The following ANKH variants were observed in gnomAD, a reference collection of about 807,000 sequenced individuals.
The protein encoded by ANKH is mineralization regulator ANKH.
In ANKH, 15 loss-of-function variants were observed where a neutral mutation model predicts 49.0. The observed-to-expected ratio is 0.31, with a 90% CI of 0.20 to 0.47. The LOEUF is 0.47. Ranked by LOEUF, ANKH falls within the 20% of genes least tolerant of loss-of-function variation. The probability of loss-of-function intolerance (pLI) is 1.00; values close to 1 mark genes in which losing one functional copy is unlikely to be tolerated. For synonymous variants in ANKH, 273 were observed against 260.0 expected, an observed-to-expected ratio of 1.05 and a Z score of -0.48; for missense variants, 429 against 652.0, an observed-to-expected ratio of 0.66 and a Z score of 3.72.
At chr5:14,809,353 A>G (rs1219982156) in intron 1 of ANKH, among the ~76,000 whole-genome samples, 19 of 146,726 alleles carry the variant, frequency 1.3e-4, no homozygotes, top group Non-Finnish European at 2.5e-4. Flanking sequence ...AAAAAAAAAA[A>G]AAAAGAAAAA....
At chr5:14,852,425 T>A (rs1742145829) in intron 1 of ANKH, among the ~76,000 whole-genome samples, 2 of 152,184 alleles carry the variant, frequency 1.3e-5, no homozygotes, top group African/African-American at 4.8e-5. Context: ...AGAACAGAAA[T>A]TTTAAAGTCC....
chr5:14,719,983 A>C (rs1235921956), intron 8 of ANKH, among the ~76,000 whole-genome samples: 2 of 152,246 alleles, frequency 1.3e-5, no homozygotes, highest in Non-Finnish European at 2.9e-5. Flanking sequence ...ATAAAACTGA[A>C]TACATTCTAA....
chr5:14,792,260 G>C (rs1740192864), intron 1 of ANKH, among the ~76,000 whole-genome samples: 1 of 152,172 alleles, frequency 6.6e-6, no homozygotes, highest in South Asian at 2.1e-4. Flanking sequence ...GACTGTGATA[G>C]GAAAGGCTGC....
At chr5:14,791,215 G>C (rs115645671) in intron 1 of ANKH, among the ~76,000 whole-genome samples, 1 of 152,068 alleles carries the variant, frequency 6.6e-6, no homozygotes, top group South Asian at 2.1e-4. Flanking sequence ...AGGCCCCTTC[G>C]GGTGCCTGGA....
rs1048590164 is a variant in ANKH at position 14,715,665 on chromosome 5, A to C, written c.1141+1041T>G. ...GCAGCTTGGTGAGTTACTTATACAA[A>C]AAGAATGTAGCTATGCAAGCAGTTA... On this transcript the variant is annotated intron_variant, in intron 9 of 11. Transcript: ENST00000284268. 7.9e-5 allele frequency among the ~76,000 whole-genome samples: 12 copies of C among 152,360 alleles called. 1 individual carries two copies. In the East Asian group the frequency reaches 2.1e-3, roughly 27 times the overall value.
rs193002009 is a variant in ANKH at position 14,713,851 on chromosome 5, G to A, written c.1142-184C>T. On this transcript the variant is annotated intron_variant, in intron 9 of 11. Coordinates refer to ENST00000284268, the MANE Select transcript of ANKH (RefSeq NM_054027.6). This position sits in a 1 kb window ranked among gnomAD's most constrained non-coding sequence, Gnocchi z 4.4. Reference sequence around the variant, plus strand: ...CATCCCTGCTCCTGAGCCTAGGCCCGCCTCGGCTCCCCGCCTCCTCACAGC... The same window carrying A: ...CATCCCTGCTCCTGAGCCTAGGCCCACCTCGGCTCCCCGCCTCCTCACAGC... 9.2e-5 allele frequency among the ~76,000 whole-genome samples: 14 copies of A among 152,312 alleles called. No homozygotes were observed. Among genetic ancestry groups the A allele is most frequent in the African/African-American group, 3.1e-4 (13 of 41,572 alleles).
chr5:14,850,243 G>C (rs1042937540), intron 1 of ANKH, among the ~76,000 whole-genome samples: 7 of 152,130 alleles, frequency 4.6e-5, no homozygotes, highest in African/African-American at 1.7e-4. Context: ...TGCCTGGGTG[G>C]GGAAGGTGGG....
At chr5:14,796,468 C>A (rs1358910806) in intron 1 of ANKH, among the ~76,000 whole-genome samples, 1 of 113,052 alleles carries the variant, frequency 8.8e-6, no homozygotes, top group Non-Finnish European at 1.8e-5. Flanking sequence ...AAAAAAAACA[C>A]ACACCAACAA....
At chr5:14,867,802 A>G (rs1010468473) in intron 1 of ANKH, among the ~76,000 whole-genome samples, 2 of 151,496 alleles carry the variant, frequency 1.3e-5, no homozygotes, top group African/African-American at 4.9e-5. Flanking sequence ...CTCATGATCC[A>G]CCCGCCTCGG....
At chr5:14,760,547 T>C (rs550397300) in intron 2 of ANKH, among the ~76,000 whole-genome samples, 3 of 152,372 alleles carry the variant, frequency 2.0e-5, no homozygotes, top group African/African-American at 7.2e-5. Flanking sequence ...TGCTGTTTAT[T>C]TGCACATGTG....
At chr5:14,717,867 G>T (rs1328664797) in intron 8 of ANKH, among the ~76,000 whole-genome samples, 1 of 152,170 alleles carries the variant, frequency 6.6e-6, no homozygotes, top group African/African-American at 2.4e-5. Flanking sequence ...TACTTTGAGA[G>T]TCATGTCAGC....
chr5:14,843,175 C>CTT (rs34837612), intron 1 of ANKH, among the ~76,000 whole-genome samples: 11 of 132,240 alleles, frequency 8.3e-5, no homozygotes, highest in South Asian at 5.0e-4. Flanking sequence ...CCAGGGTTCT[C>CTT]TTTTTTTTTT....
chr5:14,814,040 GTTC>G (rs1740961179), intron 1 of ANKH, among the ~76,000 whole-genome samples: 1 of 152,066 alleles, frequency 6.6e-6, no homozygotes. Flanking sequence ...CCTTATCCCA[GTTC>G]TTCTTATTCT....
rs530345895 is a variant in ANKH, at chr5:14,767,103, T to TG, written c.313+1871dup. 6.5e-3 allele frequency among the ~76,000 whole-genome samples: 982 copies of TG among 152,128 alleles called. 6 individuals carry two copies. The highest frequency in any genetic ancestry group is 0.012 in the Non-Finnish European group (782 of 67,994). On this transcript the variant is annotated intron_variant, in intron 2 of 11. Transcript: ENST00000284268. ...ATAGGAAAGTGGTGGGAAGAATGGC[T>TG]GGGGGGTGGAGAGAGAGCAACATCC...
chr5:14,776,363 C>G (rs537247093), intron 1 of ANKH, among the ~76,000 whole-genome samples: 2 of 152,026 alleles, frequency 1.3e-5, no homozygotes, highest in African/African-American at 4.8e-5. Context: ...TCTGGAGGGT[C>G]GGTCTGGGCT....
At chr5:14,819,900 TACACACACACACACACACAC>T (rs57977744) in intron 1 of ANKH, among the ~76,000 whole-genome samples, 2 of 145,410 alleles carry the variant, frequency 1.4e-5, no homozygotes, top group African/African-American at 2.6e-5. Context: ...AACAAAAATA[TACACACACACACACACACAC>T]ACACACACAC....
intron 1 of ANKH, among the ~76,000 whole-genome samples, chr5:14,847,019 A>C (rs1184726004): frequency 6.6e-6 from 1 of 151,786 alleles, no homozygotes; most frequent in Non-Finnish European, 1.5e-5. Flanking sequence ...AAAAAAAAAA[A>C]AAACAATGAA....
intron 4 of ANKH, among the ~76,000 whole-genome samples, chr5:14,753,550 G>A (rs915861408): frequency 1.3e-5 from 2 of 152,198 alleles, no homozygotes; most frequent in Non-Finnish European, 2.9e-5. Flanking sequence ...GGAGTGACAG[G>A]ATGGAAAGTC....
intron 8 of ANKH, among the ~76,000 whole-genome samples, chr5:14,726,607 C>T (rs1443850186): frequency 1.3e-5 from 2 of 152,036 alleles, no homozygotes; most frequent in Non-Finnish European, 2.9e-5. Flanking sequence ...ACGGTGGTTT[C>T]CTGCTCACTT....
Sources: gnomAD v4.1 joint callset for allele counts (sites outside exome capture counted in the v4.1 genomes callset) on GRCh38, gnomAD v4.1.1 for gene constraint, Gnocchi (gnomAD v3.1) non-coding constraint, MANE v1.5 for transcripts, NCBI Gene and HGNC (gene_info 2026-07-23, HGNC 2026-07-21) for gene names.